PPP1R16B: variants seen among roughly 807,000 people sequenced by gnomAD.
PPP1R16B encodes protein phosphatase 1 regulatory subunit 16B, also known as protein phosphatase 1 regulatory inhibitor subunit 16B.
Under a neutral mutation model 61.7 loss-of-function variants are expected in PPP1R16B, and 14 were observed. The observed-to-expected ratio is 0.23, with a 90% CI of 0.15 to 0.35. The LOEUF is 0.35. Among genes scored for constraint, PPP1R16B ranks in the 10% least tolerant of loss-of-function variants. PPP1R16B has a pLI of 1.00. For missense variants in PPP1R16B, 547 were observed against 752.5 expected, an observed-to-expected ratio of 0.73 and a Z score of 3.19; for synonymous variants, 266 against 305.3, an observed-to-expected ratio of 0.87 and a Z score of 1.34.
At chr20:38,818,161 TC>T (rs2084751205) in intron 1 of PPP1R16B, among the ~76,000 whole-genome samples, 1 of 152,232 alleles carries the variant, frequency 6.6e-6, no homozygotes, top group Non-Finnish European at 1.5e-5. Flanking sequence ...CCCTGCCACT[TC>T]CTAGTTGTGA....
intron 10 of PPP1R16B, among the ~76,000 whole-genome samples, chr20:38,911,639 C>T (rs6015983): frequency 1.8e-4 from 28 of 151,574 alleles, no homozygotes; most frequent in African/African-American, 6.8e-4. Flanking sequence ...CAGGATCAAG[C>T]GATTCTCCTG....
intron 2 of PPP1R16B, among the ~76,000 whole-genome samples, chr20:38,853,624 G>A (rs1384867455): frequency 6.6e-6 from 1 of 152,176 alleles, no homozygotes; most frequent in Non-Finnish European, 1.5e-5. Flanking sequence ...GCCTTTTGTT[G>A]CATTACAAGC....
chr20:38,904,302 G>A (rs1463766978), intron 6 of PPP1R16B, among the ~76,000 whole-genome samples: 1 of 152,188 alleles, frequency 6.6e-6, no homozygotes, highest in East Asian at 1.9e-4. Context: ...CCTGGGCTGG[G>A]GCTGGCCTCA....
rs148800340 is a variant in PPP1R16B, at chr20:38,907,813, C to T, written c.906C>T (p.Cys302=). 1.8e-3 allele frequency: 2,933 copies of T among 1,614,016 alleles called. 45 individuals carry two copies. In the East Asian group the frequency reaches 0.033, roughly 18 times the overall value. The change falls in exon 9 of 11, where the codon TGC becomes TGT. Residue 302 remains cysteine (C), a synonymous_variant. Coordinates refer to ENST00000299824, the MANE Select transcript of PPP1R16B (RefSeq NM_015568.4). The surrounding 1 kb of genome is among the most constrained non-coding windows in gnomAD (Gnocchi z 4.5). The stretch of plus-strand genomic sequence containing the variant: ...ACTCCTCTGCCCCTTCAGACCTGTG[C>T]GAGGAGGAAGAGTTCAAGGTCCTGC... ...TSMDEMPIDL[C]EEEEFKVLLL... is the part of the protein sequence containing the mutation.
chr20:38,883,608 G>A (rs756812017), intron 2 of PPP1R16B, among the ~76,000 whole-genome samples: 2 of 152,160 alleles, frequency 1.3e-5, no homozygotes, highest in Non-Finnish European at 2.9e-5. Flanking sequence ...AGGGGGTGGC[G>A]GGGCACCGAC....
chr20:38,918,564 G>T lies in PPP1R16B; in HGVS notation c.1602G>T (p.Ser534=). ...RTSPYSSNGT[S]VYYTVTSGDP... ...CACCGTACAGCAGCAATGGGACCTC[G>T]GTATATTACACGGTCACCAGCGGAG... The change falls in exon 11 of 11, where the codon TCG becomes TCT. Residue 534 remains serine, a synonymous_variant. Coordinates refer to ENST00000299824, the MANE Select transcript of PPP1R16B (RefSeq NM_015568.4). The surrounding 1 kb of genome is among the most constrained non-coding windows in gnomAD (Gnocchi z 5.3). 6.4e-7 allele frequency: 1 copy of T among 1,556,336 alleles called. No homozygotes were observed. Among genetic ancestry groups the T allele is most frequent in the Non-Finnish European group, 8.7e-7 (1 of 1,150,788 alleles).
intron 2 of PPP1R16B, among the ~76,000 whole-genome samples, chr20:38,879,320 G>C (rs2085189588): frequency 6.6e-6 from 1 of 152,114 alleles, no homozygotes; most frequent in South Asian, 2.1e-4. Context: ...TGCAGCTTTG[G>C]TGGAGAAATC....
intron 1 of PPP1R16B, among the ~76,000 whole-genome samples, chr20:38,814,729 C>G (rs1024885968): frequency 2.6e-5 from 4 of 152,206 alleles, no homozygotes; most frequent in Non-Finnish European, 5.9e-5. Flanking sequence ...CATCCCTAGT[C>G]TCCTCCGCTT....
intron 3 of PPP1R16B, among the ~76,000 whole-genome samples, chr20:38,892,864 G>C (rs1474788199): frequency 6.6e-6 from 1 of 152,194 alleles, no homozygotes; most frequent in South Asian, 2.1e-4. Flanking sequence ...GCAAAGCCTT[G>C]AGAAAGGGGC....
rs76512571 is a variant in PPP1R16B, at chr20:38,862,472, C to A, written c.250+26297C>A. Among the ~76,000 whole-genome samples, 344 of 152,250 alleles carry A rather than the reference C, an allele frequency of 2.3e-3. 4 individuals are homozygous for A. The highest frequency in any genetic ancestry group is 8.0e-3 in the African/African-American group (334 of 41,544). ...TATCACATGAATGCCCCCGACACAACCCTACCACCTAAAAACTAAAAGGAA... is the reference window on the plus strand; with the variant it reads ...TATCACATGAATGCCCCCGACACAAACCTACCACCTAAAAACTAAAAGGAA... On this transcript the variant is annotated intron_variant, in intron 2 of 10. Transcript: ENST00000299824.
chr20:38,902,652 C>T lies in PPP1R16B; in HGVS notation c.572-16C>T, dbSNP rs2085404851. The T allele has an allele frequency of 1.2e-6, 2 of 1,613,984 alleles. No individual in the cohort carries two copies. The highest frequency in any genetic ancestry group is 2.2e-5 in the East Asian group (1 of 44,902). On this transcript the variant is annotated splice_polypyrimidine_tract_variant and intron_variant, in intron 5 of 10. Transcript: ENST00000299824. ...GGCCTGAGGGTGCTAAATAAATCCCCTCTTTCCCACTGCAGGCATCACCCA... is the reference window on the plus strand; with the variant it reads ...GGCCTGAGGGTGCTAAATAAATCCCTTCTTTCCCACTGCAGGCATCACCCA...
intron 4 of PPP1R16B, among the ~76,000 whole-genome samples, chr20:38,897,558 C>T (rs535480185): frequency 1.6e-3 from 248 of 152,306 alleles, no homozygotes; most frequent in African/African-American, 5.6e-3. Flanking sequence ...CATGCTGTGA[C>T]GAACATGAGT....
rs149922062 is a variant in PPP1R16B at position 38,895,177 on chromosome 20, T to C, written c.322-388T>C. ...CAATCCTGTTTGAATTTACTGGTCA[T>C]CTAAGTGAGAGTTCTCCATATAATT... On this transcript the variant is annotated intron_variant, in intron 3 of 10. Transcript: ENST00000299824. 9.9e-3 allele frequency among the ~76,000 whole-genome samples: 1,506 copies of C among 152,338 alleles called. 23 individuals are homozygous for C. Among genetic ancestry groups the C allele is most frequent in the African/African-American group, 0.035 (1,449 of 41,566 alleles).
intron 2 of PPP1R16B, among the ~76,000 whole-genome samples, chr20:38,862,272 G>A (rs757550589): frequency 8.5e-5 from 13 of 152,212 alleles, no homozygotes; most frequent in Non-Finnish European, 1.8e-4. Context: ...GGCAATGTTA[G>A]CATAGTGAAT....
intron 2 of PPP1R16B, among the ~76,000 whole-genome samples, chr20:38,881,592 A>T (rs1454301466): frequency 6.6e-6 from 1 of 152,154 alleles, no homozygotes; most frequent in Non-Finnish European, 1.5e-5. Context: ...TACAATGGAG[A>T]TGCAGCAGGG....
intron 4 of PPP1R16B, among the ~76,000 whole-genome samples, 172 bp downstream of exon 4, chr20:38,895,882 CTT>C (rs2085334937): frequency 8.8e-6 from 1 of 113,214 alleles, no homozygotes; most frequent in Non-Finnish European, 1.8e-5. Flanking sequence ...CTCCTTCCTT[CTT>C]TCTTCCCTCC....
intron 2 of PPP1R16B, among the ~76,000 whole-genome samples, chr20:38,888,876 AACACACACAC>A (rs1181903301): frequency 0.028 from 3,199 of 112,282 alleles, 74 homozygotes; most frequent in Admixed American, 0.051. Context: ...AGAATCCCTG[AACACACACAC>A]ACACACACAC....
intron 6 of PPP1R16B, among the ~76,000 whole-genome samples, chr20:38,903,563 ATCCGTCCGTCCGTCCG>A (rs761663178): frequency 0.29 from 42,869 of 146,912 alleles, 6,447 homozygotes; most frequent in Middle Eastern, 0.49. Flanking sequence ...CCATCCATCC[ATCCGTCCGTCCGTCCG>A]TCCATCCATC....
intron 1 of PPP1R16B, among the ~76,000 whole-genome samples, chr20:38,817,092 C>A (rs2084740570): frequency 6.6e-6 from 1 of 152,164 alleles, no homozygotes; most frequent in Non-Finnish European, 1.5e-5. Flanking sequence ...TAAAGGTGAA[C>A]AATACATATC....
Sources: gnomAD v4.1 joint callset for allele counts (sites outside exome capture counted in the v4.1 genomes callset) on GRCh38, gnomAD v4.1.1 for gene constraint, Gnocchi (gnomAD v3.1) non-coding constraint, MANE v1.5 for transcripts, NCBI Gene and HGNC (gene_info 2026-07-23, HGNC 2026-07-21) for gene names.